TET2: variants seen among roughly 807,000 people sequenced by gnomAD.
The protein encoded by TET2 is tet methylcytosine dioxygenase 2, also known as methylcytosine dioxygenase TET2.
In TET2, 299 loss-of-function variants were observed where a neutral mutation model predicts 142.9. The observed-to-expected ratio is 2.09, with a 90% CI of 1.90 to 2.30. TET2 has a LOEUF of 2.30. TET2 is among the 30% of genes most tolerant of loss of function. TET2 has a pLI of 0.00. For missense variants in TET2, 2,418 were observed against 2,378.0 expected, an observed-to-expected ratio of 1.02 and a Z score of -0.35; for synonymous variants, 819 against 849.0, an observed-to-expected ratio of 0.96 and a Z score of 0.61.
chr4:105,224,993 A>G (rs965862635), intron 2 of TET2, among the ~76,000 whole-genome samples: 3 of 152,162 alleles, frequency 2.0e-5, no homozygotes, highest in Non-Finnish European at 4.4e-5. Context: ...ATAACCTTTT[A>G]AAATTGTAAT....
At chr4:105,200,204 T>C (rs919564154) in intron 2 of TET2, among the ~76,000 whole-genome samples, 4 of 152,146 alleles carry the variant, frequency 2.6e-5, no homozygotes, top group African/African-American at 9.7e-5. Flanking sequence ...CACTAACGTG[T>C]TATTTTTTGA....
rs909868794 is a variant in TET2 at position 105,261,685 on chromosome 4, TCTAA to T, written c.3955-71_3955-68del. The T allele has an allele frequency of 1.2e-5, 10 of 863,850 alleles. No individual in the cohort carries two copies. The Middle Eastern group carries it at 6.9e-4, about 60-fold the overall frequency. 53.5% of individuals were successfully genotyped at this position (863,850 alleles called of 1,614,324 possible). A position where few individuals can be genotyped will look rare whatever the true frequency, so the allele number is the denominator to read the frequency against. Reference sequence around the variant, plus strand: ...GGGATTCAAAATGTAAGGGGAATAATCTAACTGATAGTCTCTTTTACATAGAGAA... The same window carrying T: ...GGGATTCAAAATGTAAGGGGAATAATCTGATAGTCTCTTTTACATAGAGAA... On this transcript the variant is annotated intron_variant, in intron 7 of 10. Transcript: ENST00000380013.
chr4:105,218,166 A>G (rs1727605832), intron 2 of TET2, among the ~76,000 whole-genome samples: 1 of 152,064 alleles, frequency 6.6e-6, no homozygotes, highest in Non-Finnish European at 1.5e-5. Context: ...TTGAAGATGA[A>G]GAGTCTTAGG....
chr4:105,226,659 CTCTT>C (rs1379363678), intron 2 of TET2, among the ~76,000 whole-genome samples: 2 of 151,866 alleles, frequency 1.3e-5, no homozygotes, highest in East Asian at 1.9e-4. Context: ...CTCTTCCTCT[CTCTT>C]TTTCTCCCAC....
intron 2 of TET2, among the ~76,000 whole-genome samples, chr4:105,193,287 C>T (rs1725894021): frequency 6.6e-6 from 1 of 152,004 alleles, no homozygotes; most frequent in Non-Finnish European, 1.5e-5. Context: ...AGGAATGGGC[C>T]AGGCAGAGGG....
chr4:105,243,765 G>A lies in TET2; in HGVS notation c.3790G>A (p.Ala1264Thr), dbSNP rs2110256073. 2.6e-6 allele frequency: 4 copies of A among 1,551,480 alleles called. No individual in the cohort carries two copies. Among genetic ancestry groups the A allele is most frequent in the Non-Finnish European group, 3.5e-6 (4 of 1,146,856 alleles). ...CGGCACGCTCACCAATCGCCGGTGT[G>A]CCTTGAATGAAGAGTAAGTGAAGCC... ...KYGTLTNRRC[A>T]LNEERTCACQ... The change falls in exon 6 of 11, where the codon GCC (alanine) becomes ACC (threonine). Residue 1264 changes from alanine (A) to threonine (T), a missense_variant. Ala to Thr is a moderately conservative substitution (Grantham distance 58). Coordinates refer to ENST00000380013, the MANE Select transcript of TET2 (RefSeq NM_001127208.3).
At chr4:105,205,525 G>A (rs1488328414) in intron 2 of TET2, among the ~76,000 whole-genome samples, 1 of 152,016 alleles carries the variant, frequency 6.6e-6, no homozygotes, top group Non-Finnish European at 1.5e-5. Context: ...AACCCAATAG[G>A]TACTATTCTG....
intron 1 of TET2, among the ~76,000 whole-genome samples, chr4:105,175,557 A>G (rs72955138): frequency 0.027 from 4,069 of 152,272 alleles, 180 homozygotes; most frequent in African/African-American, 0.092. Flanking sequence ...TGAAAAAAAC[A>G]GAAGAGATTA....
chr4:105,222,748 T>C (rs1560532716), intron 2 of TET2, among the ~76,000 whole-genome samples: 1 of 152,022 alleles, frequency 6.6e-6, no homozygotes, highest in Non-Finnish European at 1.5e-5. Flanking sequence ...TTTTGGCTTT[T>C]GTTGCCATTG....
At chr4:105,167,445 GTA>G (rs1724217364) in intron 1 of TET2, among the ~76,000 whole-genome samples, 1 of 147,800 alleles carries the variant, frequency 6.8e-6, no homozygotes, top group Non-Finnish European at 1.5e-5. Context: ...TGTACATGTA[GTA>G]TATGTGTGTA....
chr4:105,271,036 A>C (rs1730928630), intron 9 of TET2, among the ~76,000 whole-genome samples: 4 of 152,202 alleles, frequency 2.6e-5, no homozygotes, highest in Admixed American at 2.6e-4. Flanking sequence ...CTTCTCTATA[A>C]AGGGCAAGAT....
At chr4:105,240,979 CT>C (rs1560551476) in intron 3 of TET2, 178 of 1,085,216 alleles carry the variant, frequency 1.6e-4, no homozygotes, top group Non-Finnish European at 1.7e-4. Context: ...TTCCAGTTAG[CT>C]TTAAATGTTT....
rs1448672892 is a variant in TET2, at chr4:105,276,215, A to G, written c.5705A>G (p.Tyr1902Cys). The G allele has an allele frequency of 6.4e-7, 1 of 1,551,684 alleles. No homozygotes were observed. Among genetic ancestry groups the G allele is most frequent in the Non-Finnish European group, 8.7e-7 (1 of 1,146,984 alleles). Residue 1902 changes from tyrosine to cysteine, a missense_variant, in exon 11 of 11, where the codon TAC becomes TGC. Coordinates refer to ENST00000380013, the MANE Select transcript of TET2 (RefSeq NM_001127208.3). ...CCCACCAGGATCTCCCTCGTCTTTT[A>G]CCAGCATAAGAGCATGAATGAGCCA... ...NHPTRISLVF[Y>C]QHKSMNEPKH...
intron 1 of TET2, among the ~76,000 whole-genome samples, chr4:105,151,498 A>G (rs1280772328): frequency 6.7e-6 from 1 of 150,292 alleles, no homozygotes; most frequent in Non-Finnish European, 1.5e-5. Context: ...TATATTTTCA[A>G]TATATAATAT....
intron 6 of TET2, among the ~76,000 whole-genome samples, chr4:105,253,256 G>T (rs1442914493): frequency 6.6e-6 from 1 of 152,028 alleles, no homozygotes; most frequent in Admixed American, 6.6e-5. Flanking sequence ...AGATTGCACT[G>T]CATTTCTAGA....
At chr4:105,205,019 T>G (rs1309451225) in intron 2 of TET2, among the ~76,000 whole-genome samples, 1 of 152,194 alleles carries the variant, frequency 6.6e-6, no homozygotes, top group African/African-American at 2.4e-5. Context: ...GAATACTTAA[T>G]TGTTTTTATT....
chr4:105,240,522 T>A, intron 3 of TET2: 1 of 1,078,654 alleles, frequency 9.3e-7, no homozygotes, highest in Non-Finnish European at 1.1e-6. Context: ...ACCCGTGCCA[T>A]GTTTTCCCTC....
chr4:105,214,132 G>A (rs1727333743), intron 2 of TET2, among the ~76,000 whole-genome samples: 1 of 151,850 alleles, frequency 6.6e-6, no homozygotes, highest in Non-Finnish European at 1.5e-5. Flanking sequence ...ACAAAAGTTT[G>A]CCATTGTCAT....
intron 1 of TET2, chr4:105,177,969 T>G (rs1724897194): frequency 6.6e-6 from 1 of 152,264 alleles, no homozygotes; most frequent in Non-Finnish European, 1.5e-5. Flanking sequence ...GCGCCTGTAA[T>G]CTCAGCTACT....
Sources: gnomAD v4.1 joint callset for allele counts (sites outside exome capture counted in the v4.1 genomes callset) on GRCh38, gnomAD v4.1.1 for gene constraint, MANE v1.5 for transcripts, NCBI Gene and HGNC (gene_info 2026-07-23, HGNC 2026-07-21) for gene names.